Variants in MEF2C observed in about 807,000 individuals in gnomAD.
The protein encoded by MEF2C is myocyte-specific enhancer factor 2C.
MEF2C carries 6 observed loss-of-function variants against 50.5 expected under a neutral mutation model. The ratio of observed to expected loss-of-function variants is 0.12; its 90% CI spans 0.07 to 0.23. The LOEUF (loss-of-function observed/expected upper bound fraction) is 0.23. MEF2C is among the 10% of genes least tolerant of loss of function. MEF2C has a pLI of 1.00. For synonymous variants in MEF2C, 183 were observed against 228.0 expected (o/e 0.80, Z 1.78); for missense variants, 276 against 605.0 (o/e 0.46, Z 5.70).
chr5:88,853,276 G>A (rs1317561671), intron 1 of MEF2C, among the ~76,000 whole-genome samples: 1 of 152,154 alleles, frequency 6.6e-6, no homozygotes, highest in African/African-American at 2.4e-5. Flanking sequence ...AAAGAATGTA[G>A]TTCTAGCTGA....
intron 1 of MEF2C, among the ~76,000 whole-genome samples, chr5:88,902,357 A>G (rs1835753630): frequency 6.6e-6 from 1 of 151,934 alleles, no homozygotes; most frequent in Non-Finnish European, 1.5e-5. Flanking sequence ...TGTTTTAATC[A>G]TTTGAAATAT....
chr5:88,801,515 C>T (rs1233301300), intron 3 of MEF2C, among the ~76,000 whole-genome samples: 6 of 146,880 alleles, frequency 4.1e-5, no homozygotes, highest in African/African-American at 1.5e-4. Flanking sequence ...TTTTTTGAGA[C>T]GGAGTCTCAC....
At chr5:88,820,354 A>G (rs1385954100) in intron 2 of MEF2C, among the ~76,000 whole-genome samples, 1 of 151,890 alleles carries the variant, frequency 6.6e-6, no homozygotes, top group Non-Finnish European at 1.5e-5. Flanking sequence ...TTTTATTCTC[A>G]CCTAAACTAT....
rs937601389 is a variant in MEF2C at position 88,737,309 on chromosome 5, T to C, written c.638-5408A>G. 4 of 985,216 alleles carry C rather than the reference T, an allele frequency of 4.1e-6. No individual in the cohort carries two copies. The African/African-American group carries it at 7.0e-5, about 17-fold the overall frequency. 61.0% of individuals were successfully genotyped at this position (985,216 alleles called of 1,614,324 possible). On this transcript the variant is annotated intron_variant, in intron 6 of 10. Transcript: ENST00000504921. ...TACCATATATATGAAAGCCAGGAAA[T>C]CATGTAAGTGCCCACCTACTAAATT...
chr5:88,794,399 T>C (rs531094025), intron 3 of MEF2C, among the ~76,000 whole-genome samples: 2 of 152,370 alleles, frequency 1.3e-5, no homozygotes, highest in South Asian at 4.1e-4. Context: ...TGACCAGTGA[T>C]GATTAGCTTT....
chr5:88,745,945 C>T (rs980869358), intron 6 of MEF2C, among the ~76,000 whole-genome samples: 7 of 152,176 alleles, frequency 4.6e-5, no homozygotes, highest in South Asian at 2.1e-4. Context: ...TTAATTTAAA[C>T]GACTATTATG....
intron 1 of MEF2C, among the ~76,000 whole-genome samples, chr5:88,850,263 G>C (rs1284104052): frequency 6.6e-6 from 1 of 152,022 alleles, no homozygotes; most frequent in African/African-American, 2.4e-5. Context: ...TTCTTGTTTT[G>C]TGTCATGCAC....
intron 1 of MEF2C, among the ~76,000 whole-genome samples, chr5:88,862,065 T>C (rs13164429): frequency 0.02 from 3,039 of 152,314 alleles, 37 homozygotes; most frequent in Non-Finnish European, 0.031. Context: ...TTTCATTAAG[T>C]ACCTGGTTTG....
Position 88,751,975 on chromosome 5 carries a change from G to A in MEF2C, c.471C>T (p.Tyr157=), listed in dbSNP as rs1457816675. 5.6e-6 allele frequency: 9 copies of A among 1,613,990 alleles called. No homozygotes were observed. The highest frequency in any genetic ancestry group is 7.6e-6 in the Non-Finnish European group (9 of 1,179,862). The change falls in exon 5 of 11, where the codon TAC becomes TAT. Residue 157 remains tyrosine (Y), a synonymous_variant. Coordinates refer to ENST00000504921, the MANE Select transcript of MEF2C (RefSeq NM_002397.5). ...TTCCCAGTGAGCTGACAGGGTTGCTGTACACCAAACTGTTGTGGCTGGACA... is the reference window on the plus strand; with the variant it reads ...TTCCCAGTGAGCTGACAGGGTTGCTATACACCAAACTGTTGTGGCTGGACA... ...IPVSSHNSLV[Y]SNPVSSLGNP...
At chr5:88,735,188 G>C (rs781691935) in intron 6 of MEF2C, 7 of 985,238 alleles carry the variant, frequency 7.1e-6, no homozygotes, top group Non-Finnish European at 7.2e-6. Context: ...CTGGGAAACC[G>C]CAGCCTCCTC....
chr5:88,758,747 T>C (rs1394782185), intron 4 of MEF2C, among the ~76,000 whole-genome samples: 1 of 152,164 alleles, frequency 6.6e-6, no homozygotes, highest in African/African-American at 2.4e-5. Flanking sequence ...GGAGACTCTG[T>C]GGCATAGCTC....
chr5:88,841,566 T>C (rs926260825), intron 1 of MEF2C, among the ~76,000 whole-genome samples: 1 of 151,954 alleles, frequency 6.6e-6, no homozygotes, highest in Non-Finnish European at 1.5e-5. Flanking sequence ...TCTTAGGCTT[T>C]AGTCAAACCT....
At chr5:88,861,261 C>T (rs970933825) in intron 1 of MEF2C, among the ~76,000 whole-genome samples, 6 of 152,210 alleles carry the variant, frequency 3.9e-5, no homozygotes, top group African/African-American at 1.4e-4. Flanking sequence ...ACTTCAAACA[C>T]TTTTTAAAAA....
chr5:88,804,637 G>A lies in MEF2C; in HGVS notation c.219C>T (p.Asn73=), dbSNP rs768621677. The change falls in exon 3 of 11, where the codon AAC becomes AAT. Residue 73 remains asparagine (N), a synonymous_variant. Transcript: ENST00000504921. ...DKVLLKYTEY[N]EPHESRTNSD... ...AGTTTGTCCGGCTCTCATGCGGCTC[G>A]TTGTACTCCGTGTACTTGAGAAGCA... 14 of 1,613,930 alleles carry A rather than the reference G, an allele frequency of 8.7e-6. No individual in the cohort carries two copies. Among genetic ancestry groups the A allele is most frequent in the African/African-American group, 2.7e-5 (2 of 74,880 alleles).
At chr5:88,741,963 T>G in intron 6 of MEF2C, 1 of 984,860 alleles carries the variant, frequency 1.0e-6, no homozygotes, top group Non-Finnish European at 1.2e-6. Context: ...TAGCTAATGA[T>G]CTTTCAAATA....
intron 1 of MEF2C, 146 bp from the exon 2 acceptor site, chr5:88,824,076 G>C (rs751845417): frequency 8.1e-5 from 73 of 899,472 alleles, no homozygotes; most frequent in Non-Finnish European, 1.0e-4. Context: ...AAAAATATAT[G>C]GTATATCACA....
Position 88,740,951 on chromosome 5 carries a change from TAGAG to T in MEF2C, c.637+8115_637+8118del, listed in dbSNP as rs1477607713. The T allele has an allele frequency of 2.6e-5, 26 of 985,440 alleles. No individual in the cohort carries two copies. The East Asian group carries it at 4.5e-4, about 17-fold the overall frequency. 61.0% of individuals were successfully genotyped at this position (985,440 alleles called of 1,614,324 possible). A position where few individuals can be genotyped will look rare whatever the true frequency, so the allele number is the denominator to read the frequency against. ...ACAAAAATATTGAGACAGTATAAATTAGAGAGAGCATGACAGAAGAGAAAGAATA... is the reference window on the plus strand; with the variant it reads ...ACAAAAATATTGAGACAGTATAAATTAGAGCATGACAGAAGAGAAAGAATA... On this transcript the variant is annotated intron_variant, in intron 6 of 10. Transcript: ENST00000504921.
chr5:88,771,588 TG>T, intron 3 of MEF2C: 2 of 985,440 alleles, frequency 2.0e-6, no homozygotes, highest in South Asian at 9.4e-5. Flanking sequence ...TGGGCATCTC[TG>T]GTCCCTAACA....
At chr5:88,765,284 A>G (rs1166536910) in intron 3 of MEF2C, among the ~76,000 whole-genome samples, 1 of 152,242 alleles carries the variant, frequency 6.6e-6, no homozygotes, top group African/African-American at 2.4e-5. Flanking sequence ...ACCAGAAAGA[A>G]CATTGAAAAA....
Sources: allele counts gnomAD v4.1 joint callset (sites outside exome capture counted in the v4.1 genomes callset), GRCh38; gene constraint gnomAD v4.1.1; transcripts MANE v1.5; gene names NCBI Gene and HGNC (gene_info 2026-07-23, HGNC 2026-07-21).